Variants in AP3B2 observed in about 807,000 individuals in gnomAD.
The protein encoded by AP3B2 is adaptor related protein complex 3 subunit beta 2.
AP3B2 carries 50 observed loss-of-function variants against 126.9 expected under a neutral mutation model. That is an observed-to-expected ratio of 0.39 (90% confidence interval 0.31 to 0.50). The LOEUF is 0.50. Ranked by LOEUF, AP3B2 falls within the 20% of genes least tolerant of loss-of-function variation. AP3B2 has a pLI of 0.79. For synonymous variants in AP3B2, 541 were observed against 565.0 expected (o/e 0.96, Z 0.60); for missense variants, 1,177 against 1,426.4 (o/e 0.83, Z 2.82).
At position 82,680,034 on chromosome 15, in the gene AP3B2, C is replaced by T; in HGVS notation, c.1110+141G>A. 1 of 1,244,692 alleles carries T rather than the reference C, an allele frequency of 8.0e-7. No homozygotes were observed. Among genetic ancestry groups the T allele is most frequent in the Non-Finnish European group, 1.1e-6 (1 of 892,616 alleles). The allele number at this position is 1,244,692 out of a possible 1,614,324, so 77.1% of individuals were successfully genotyped here. A position where few individuals can be genotyped will look rare whatever the true frequency, so the allele number is the denominator to read the frequency against. ...CCTGCTCCCTATCTGTATTTGGAGC[C>T]TCCCCTGCCCCATCCTCTGCACAGC... On this transcript the variant is annotated intron_variant, in intron 9 of 26. Coordinates refer to ENST00000535359, the MANE Select transcript of AP3B2 (RefSeq NM_001278512.2). The surrounding 1 kb of genome is among the most constrained non-coding windows in gnomAD (Gnocchi z 6.1).
At chr15:82,679,324 A>G (rs557101073) in intron 10 of AP3B2, among the ~76,000 whole-genome samples, 4 of 152,112 alleles carry the variant, frequency 2.6e-5, no homozygotes, top group Non-Finnish European at 5.9e-5. Flanking sequence ...AGGTTTTGCT[A>G]TGTTGGCCAG....
At chr15:82,661,725 T>G in intron 25 of AP3B2, 100 bp downstream of exon 25, 1 of 966,804 alleles carries the variant, frequency 1.0e-6, no homozygotes, top group Non-Finnish European at 1.6e-6. Flanking sequence ...TGACCCCTGG[T>G]CTAGATGAAG....
At chr15:82,661,252 C>G (rs1418221055) in intron 25 of AP3B2, among the ~76,000 whole-genome samples, 2 of 152,160 alleles carry the variant, frequency 1.3e-5, no homozygotes, top group Admixed American at 1.3e-4. Context: ...AAAGTGTTTC[C>G]TGGGCATAGA....
At chr15:82,663,087 G>A (rs1217484224) in intron 22 of AP3B2, 40 bp downstream of exon 22, 6 of 1,546,412 alleles carry the variant, frequency 3.9e-6, no homozygotes, top group Non-Finnish European at 3.5e-6. Flanking sequence ...ACAGGGATGT[G>A]TCCCTGCCCC....
intron 14 of AP3B2, among the ~76,000 whole-genome samples, chr15:82,673,359 G>A (rs1021200576): frequency 6.6e-6 from 1 of 152,004 alleles, no homozygotes; most frequent in African/African-American, 2.4e-5. Flanking sequence ...AGATTTCAGC[G>A]CACCACCACA....
chr15:82,661,104 C>T (rs1392812102), intron 25 of AP3B2, among the ~76,000 whole-genome samples: 2 of 152,154 alleles, frequency 1.3e-5, no homozygotes, highest in African/African-American at 2.4e-5. Flanking sequence ...TTATCCCTCC[C>T]CTCCTCTTTC....
intron 1 of AP3B2, among the ~76,000 whole-genome samples, chr15:82,702,928 G>A (rs981144413): frequency 4.6e-5 from 7 of 152,138 alleles, no homozygotes; most frequent in Admixed American, 2.0e-4. Flanking sequence ...AATCAGGTAA[G>A]CGGCCTCTTT....
chr15:82,697,384 A>T (rs1331899414), intron 1 of AP3B2, among the ~76,000 whole-genome samples: 1 of 152,230 alleles, frequency 6.6e-6, no homozygotes, highest in Non-Finnish European at 1.5e-5. Flanking sequence ...AGTCACAGAC[A>T]TGCAACATTT....
intron 1 of AP3B2, among the ~76,000 whole-genome samples, chr15:82,690,800 C>T (rs1285149558): frequency 2.6e-5 from 4 of 151,700 alleles, no homozygotes; most frequent in African/African-American, 9.7e-5. Context: ...ACTACAGGTA[C>T]CCGCCACCAC....
chr15:82,703,084 A>G (rs2048744090), intron 1 of AP3B2, among the ~76,000 whole-genome samples: 1 of 152,086 alleles, frequency 6.6e-6, no homozygotes, highest in Non-Finnish European at 1.5e-5. Context: ...CTGTGAACCC[A>G]AAACTCCGGC....
chr15:82,665,713 A>C lies in AP3B2; in HGVS notation c.1853-138T>G. The C allele has an allele frequency of 1.5e-6, 1 of 656,144 alleles. No homozygotes were observed. The allele number at this position is 656,144 out of a possible 1,614,324, so 40.6% of individuals were successfully genotyped here. A position where few individuals can be genotyped will look rare whatever the true frequency, so the allele number is the denominator to read the frequency against. ...GGGAAGGAGATGGATGTGTGCCCTAATGGCTCTTCCACCCTGACTGCACCT... is the reference window on the plus strand; with the variant it reads ...GGGAAGGAGATGGATGTGTGCCCTACTGGCTCTTCCACCCTGACTGCACCT... On this transcript the variant is annotated intron_variant, in intron 15 of 26. Coordinates refer to ENST00000535359, the MANE Select transcript of AP3B2 (RefSeq NM_001278512.2). The surrounding 1 kb of genome is among the most constrained non-coding windows in gnomAD (Gnocchi z 4.4).
intron 15 of AP3B2, 39 bp downstream of exon 15, chr15:82,666,708 C>T: frequency 6.3e-7 from 1 of 1,594,014 alleles, no homozygotes; most frequent in East Asian, 2.2e-5. Flanking sequence ...AGTTCCTTTC[C>T]ATTCCCCTAG....
At chr15:82,682,025 A>G (rs948515694) in intron 4 of AP3B2, among the ~76,000 whole-genome samples, 1 of 150,492 alleles carries the variant, frequency 6.6e-6, no homozygotes, top group East Asian at 1.9e-4. Flanking sequence ...TGTTTAAAAC[A>G]AAATAGGGGT....
At chr15:82,706,982 C>G (rs770034321) in intron 1 of AP3B2, among the ~76,000 whole-genome samples, 83 of 152,250 alleles carry the variant, frequency 5.5e-4, no homozygotes, top group Non-Finnish European at 9.9e-4. Context: ...AACTAAAATA[C>G]GTCTTGGTCT....
chr15:82,709,212 T>C (rs971726516), intron 1 of AP3B2, among the ~76,000 whole-genome samples: 1 of 152,010 alleles, frequency 6.6e-6, no homozygotes, highest in Non-Finnish European at 1.5e-5. Flanking sequence ...CAAGCTCAAG[T>C]TCGCTGACTC....
intron 20 of AP3B2, 48 bp downstream of exon 20, chr15:82,663,753 A>G (rs1313692511): frequency 1.3e-6 from 2 of 1,596,640 alleles, no homozygotes; most frequent in Admixed American, 3.4e-5. Context: ...GAGGTTGGGG[A>G]GGGCCCTGGC....
chr15:82,695,973 C>G (rs564053877), intron 1 of AP3B2, among the ~76,000 whole-genome samples: 75 of 152,320 alleles, frequency 4.9e-4, no homozygotes, highest in South Asian at 1.0e-3. Context: ...GAAGCACTCT[C>G]TGGTGAGCGG....
At position 82,681,568 on chromosome 15, in the gene AP3B2, G is replaced by A; in HGVS notation, c.373C>T (p.Leu125=). 1 of 1,613,534 alleles carries A rather than the reference G, an allele frequency of 6.2e-7. No individual in the cohort carries two copies. The change falls in exon 5 of 27, where the codon CTG becomes TTG. Residue 125 remains leucine (L), a synonymous_variant. Coordinates refer to ENST00000535359, the MANE Select transcript of AP3B2 (RefSeq NM_001278512.2). This position sits in a 1 kb window ranked among gnomAD's most constrained non-coding sequence, Gnocchi z 4.0. ...FQRGLKDPNQ[L]IRASALRVLS... ...ACACGGAGGGCACTGGCACGAATCAGCTGGTTGGGATCCTAAAGGCAGAGG... is the reference window on the plus strand; with the variant it reads ...ACACGGAGGGCACTGGCACGAATCAACTGGTTGGGATCCTAAAGGCAGAGG...
At position 82,681,284 on chromosome 15, in the gene AP3B2, C is replaced by G; in HGVS notation, c.522-106G>C. ...TGCACCCCAGCCTTATTGTTCTCCT[C>G]CATCTCTGTCAGTCCCCCAAACTAC... is the stretch of plus-strand genomic sequence containing the variant. On this transcript the variant is annotated intron_variant, in intron 5 of 26. Coordinates refer to ENST00000535359, the MANE Select transcript of AP3B2 (RefSeq NM_001278512.2). This position sits in a 1 kb window ranked among gnomAD's most constrained non-coding sequence, Gnocchi z 4.0. 2 of 1,516,666 alleles carry G rather than the reference C, an allele frequency of 1.3e-6. No individual in the cohort carries two copies. The highest frequency in any genetic ancestry group is 1.8e-6 in the Non-Finnish European group (2 of 1,115,640). The allele number at this position is 1,516,666 out of a possible 1,614,324, so 94.0% of individuals were successfully genotyped here.
Sources: allele counts gnomAD v4.1 joint callset (sites outside exome capture counted in the v4.1 genomes callset), GRCh38; gene constraint gnomAD v4.1.1; non-coding constraint Gnocchi (gnomAD v3.1); transcripts MANE v1.5; gene names NCBI Gene and HGNC (gene_info 2026-07-23, HGNC 2026-07-21).